The following NR6A1 variants were observed in gnomAD, a reference collection of about 807,000 sequenced individuals.
NR6A1 encodes retinoic acid receptor-related testis-associated receptor.
In NR6A1, 7 loss-of-function variants were observed where a neutral mutation model predicts 59.1. The observed-to-expected ratio is 0.12, with a 90% confidence interval of 0.07 to 0.22. The LOEUF is 0.22. Among genes scored for constraint, NR6A1 ranks in the 10% least tolerant of loss-of-function variants. The pLI is 1.00. For synonymous variants in NR6A1, 243 were observed against 236.1 expected, an observed-to-expected ratio of 1.03 and a Z score of -0.27; for missense variants, 468 against 611.6, an observed-to-expected ratio of 0.77 and a Z score of 2.48.
chr9:124,727,732 T>A (rs1839761652), intron 2 of NR6A1, among the ~76,000 whole-genome samples: 1 of 152,236 alleles, frequency 6.6e-6, no homozygotes, highest in African/African-American at 2.4e-5. Context: ...TCACCCAGGC[T>A]GGAGTGCAGT....
At position 124,728,683 on chromosome 9, in the gene NR6A1, A is replaced by G. The variant is rs573754766; in HGVS notation, c.142+4625T>C. 5.3e-5 allele frequency among the ~76,000 whole-genome samples: 8 copies of G among 152,176 alleles called. No individual in the cohort carries two copies. In the South Asian group the frequency reaches 1.7e-3, roughly 32 times the overall value. ...AAATAAATAAATAAAGTACTTGCTC[A>G]GTCACTTGAGAGAAAATGCTTGGGG... On this transcript the variant is annotated intron_variant, in intron 2 of 9. Transcript: ENST00000487099.
At chr9:124,743,462 T>C (rs1469824736) in intron 1 of NR6A1, among the ~76,000 whole-genome samples, 4 of 152,230 alleles carry the variant, frequency 2.6e-5, no homozygotes, top group African/African-American at 7.2e-5. Context: ...GTAATTTTCT[T>C]AAACATGAAA....
At chr9:124,591,784 C>T (rs1219783575) in intron 2 of NR6A1, among the ~76,000 whole-genome samples, 1 of 151,982 alleles carries the variant, frequency 6.6e-6, no homozygotes, top group Non-Finnish European at 1.5e-5. Context: ...TGAACACCTC[C>T]CCCACCCCCC....
intron 3 of NR6A1, 127 bp from the exon 4 acceptor site, chr9:124,543,984 T>G: frequency 1.4e-6 from 1 of 705,722 alleles, no homozygotes; most frequent in East Asian, 2.6e-5. Flanking sequence ...AAAACACAGG[T>G]CCTTCTGGAT....
chr9:124,701,943 T>C (rs1270883683), intron 2 of NR6A1, among the ~76,000 whole-genome samples: 1 of 152,140 alleles, frequency 6.6e-6, no homozygotes, highest in Non-Finnish European at 1.5e-5. Flanking sequence ...CAGGCTGGTT[T>C]TGAACTCCTG....
intron 2 of NR6A1, among the ~76,000 whole-genome samples, chr9:124,610,035 A>G (rs567183497): frequency 1.9e-4 from 29 of 152,278 alleles, no homozygotes; most frequent in African/African-American, 6.5e-4. Flanking sequence ...TTATAGGATC[A>G]TGTCATCTGC....
At chr9:124,523,134 AACTGACAGGT>A (rs1359730239) in intron 9 of NR6A1, among the ~76,000 whole-genome samples, 1 of 152,182 alleles carries the variant, frequency 6.6e-6, no homozygotes, top group East Asian at 1.9e-4. Context: ...AGGAAGCTGA[AACTGACAGGT>A]AGTCCAAAAA....
intron 2 of NR6A1, among the ~76,000 whole-genome samples, chr9:124,627,888 T>C (rs1274031515): frequency 2.3e-5 from 3 of 130,392 alleles, no homozygotes; most frequent in African/African-American, 3.8e-5. Context: ...TTTTCTTTTT[T>C]TTTTTTTTTT....
chr9:124,526,379 C>G (rs1832938966), intron 8 of NR6A1, among the ~76,000 whole-genome samples: 1 of 152,030 alleles, frequency 6.6e-6, no homozygotes, highest in African/African-American at 2.4e-5. Context: ...GTCACAGAGG[C>G]CTTATCTCCA....
chr9:124,524,912 A>G (rs1832891329), intron 8 of NR6A1, 39 bp from the exon 9 acceptor site: 2 of 1,564,160 alleles, frequency 1.3e-6, no homozygotes, highest in Admixed American at 2.0e-5. Flanking sequence ...CATACAGGGA[A>G]TGGGATGGGC....
intron 2 of NR6A1, among the ~76,000 whole-genome samples, chr9:124,589,867 C>A (rs1449385046): frequency 6.6e-6 from 1 of 151,922 alleles, no homozygotes; most frequent in Non-Finnish European, 1.5e-5. Context: ...GAGATCGAGA[C>A]CATCCTGGGC....
At chr9:124,626,020 AT>A (rs1836232296) in intron 2 of NR6A1, among the ~76,000 whole-genome samples, 1 of 152,014 alleles carries the variant, frequency 6.6e-6, no homozygotes, top group Non-Finnish European at 1.5e-5. Flanking sequence ...TCATTTATTT[AT>A]TTTTTGAGAC....
In NR6A1 at chr9:124,762,403, A is replaced by G. The variant is rs185418260; in HGVS notation, c.100+8617T>C. ...TTTACATTTTGCTAATCTCCTTAAT[A>G]TCTGGCTTAATCCTAGCAGCTAGAT... On this transcript the variant is annotated intron_variant, in intron 1 of 9. Coordinates refer to ENST00000487099, the MANE Select transcript of NR6A1 (RefSeq NM_033334.4). Among the ~76,000 whole-genome samples, 7 of 152,330 alleles carry G rather than the reference A, an allele frequency of 4.6e-5. 1 individual carries two copies. The South Asian group carries it at 1.4e-3, about 32-fold the overall frequency.
chr9:124,534,328 C>T (rs1199603196), intron 7 of NR6A1, among the ~76,000 whole-genome samples: 2 of 152,174 alleles, frequency 1.3e-5, no homozygotes, highest in African/African-American at 4.8e-5. Flanking sequence ...CTGCCTCGGC[C>T]TCTCAAAGTG....
At chr9:124,583,544 T>C (rs545396658) in intron 2 of NR6A1, among the ~76,000 whole-genome samples, 7 of 152,294 alleles carry the variant, frequency 4.6e-5, no homozygotes, top group African/African-American at 1.7e-4. Flanking sequence ...CTGACAGGAA[T>C]GTGAGGGGGG....
intron 8 of NR6A1, among the ~76,000 whole-genome samples, chr9:124,525,098 C>T (rs1832895620): frequency 6.6e-6 from 1 of 152,076 alleles, no homozygotes; most frequent in Admixed American, 6.6e-5. Context: ...GACAGAGCCC[C>T]TCGAGGGTTA....
chr9:124,584,096 CT>C (rs557906470), intron 2 of NR6A1, among the ~76,000 whole-genome samples: 286 of 133,082 alleles, frequency 2.1e-3, no homozygotes, highest in East Asian at 9.2e-3. Flanking sequence ...TTGCACTTGG[CT>C]TTTTTTTTTT....
intron 1 of NR6A1, among the ~76,000 whole-genome samples, chr9:124,740,062 T>C (rs145448351): frequency 0.01 from 1,551 of 152,322 alleles, 25 homozygotes; most frequent in African/African-American, 0.035. Flanking sequence ...AACCACTTTA[T>C]CTCTTGCTTT....
At chr9:124,729,231 T>C (rs1216749696) in intron 2 of NR6A1, among the ~76,000 whole-genome samples, 1 of 152,214 alleles carries the variant, frequency 6.6e-6, no homozygotes, top group Non-Finnish European at 1.5e-5. Context: ...AAATTTTTGT[T>C]TATTGTGTTC....
Sources: gnomAD v4.1 joint callset for allele counts (sites outside exome capture counted in the v4.1 genomes callset) on GRCh38, gnomAD v4.1.1 for gene constraint, MANE v1.5 for transcripts, NCBI Gene and HGNC (gene_info 2026-07-23, HGNC 2026-07-21) for gene names.